Variants in TBC1D21 observed in about 807,000 individuals in gnomAD.
TBC1D21 encodes male germ cell Rab GTPase-activating protein.
In TBC1D21, 38 loss-of-function variants were observed where a neutral mutation model predicts 46.0. That is an observed-to-expected ratio of 0.83 (90% CI 0.64 to 1.08). TBC1D21 has a LOEUF of 1.08. Among genes scored for constraint, TBC1D21 ranks in the 50% least tolerant of loss-of-function variants. The pLI is 0.00. For synonymous variants in TBC1D21, 151 were observed against 157.2 expected (o/e 0.96, Z 0.29); for missense variants, 415 against 417.9 (o/e 0.99, Z 0.06).
At chr15:73,896,487 C>T in the TBC1D21 span, among the ~76,000 whole-genome samples, 11 of 151,078 alleles carry the variant, frequency 7.3e-5, no homozygotes, top group South Asian at 2.1e-4. Context: ...ATGAGGGTAA[C>T]GGAGCAGTGG....
chr15:73,903,017 T>C, the TBC1D21 span, among the ~76,000 whole-genome samples: 9 of 152,188 alleles, frequency 5.9e-5, no homozygotes, highest in African/African-American at 2.2e-4. Context: ...AGCTCACCTG[T>C]TCACCAGTCC....
chr15:73,902,538 C>T, the TBC1D21 span, among the ~76,000 whole-genome samples: 1 of 152,248 alleles, frequency 6.6e-6, no homozygotes. Flanking sequence ...TTCCCCAGAG[C>T]AGACAGAACA....
Position 73,884,217 on chromosome 15 carries a change from G to A in TBC1D21, c.339G>A (p.Arg113=). The A allele has an allele frequency of 1.2e-6, 2 of 1,614,236 alleles. No individual in the cohort carries two copies. Among genetic ancestry groups the A allele is most frequent in the Non-Finnish European group, 1.7e-6 (2 of 1,180,040 alleles). The part of the protein sequence containing the change: ...KIQPLLENLH[R]NFTETRNNIA... ...AGCCCCTTCTGGAAAACCTGCACCGGAACTTCACAGAGACTCGCAATAACA... is the reference window on the plus strand; with the variant it reads ...AGCCCCTTCTGGAAAACCTGCACCGAAACTTCACAGAGACTCGCAATAACA... Residue 113 remains arginine (R), a synonymous_variant, in exon 4 of 11, where the codon CGG becomes CGA. Transcript: ENST00000300504.
intron 6 of TBC1D21, 53 bp downstream of exon 6, chr15:73,885,156 C>T: frequency 6.6e-7 from 1 of 1,506,942 alleles, no homozygotes; most frequent in Non-Finnish European, 9.2e-7. Context: ...CCCACTACTC[C>T]CCAAACAACT....
At chr15:73,904,876 G>A in the TBC1D21 span, among the ~76,000 whole-genome samples, 1 of 152,228 alleles carries the variant, frequency 6.6e-6, no homozygotes, top group East Asian at 1.9e-4. Flanking sequence ...ATGGAGGGAG[G>A]AAGACAGAGT....
chr15:73,876,222 T>TTG (rs1567062352), intron 1 of TBC1D21, among the ~76,000 whole-genome samples: 4 of 50,968 alleles, frequency 7.8e-5, no homozygotes, highest in African/African-American at 2.6e-4. Context: ...TTTTTTTTTT[T>TTG]TTTTTTTTTT....
Position 73,873,642 on chromosome 15 carries a change from A to G in TBC1D21, c.-68A>G. 6.5e-7 allele frequency: 1 copy of G among 1,536,406 alleles called. No homozygotes were observed. Among genetic ancestry groups the G allele is most frequent in the Non-Finnish European group, 8.8e-7 (1 of 1,130,434 alleles). On this transcript the variant is annotated 5_prime_UTR_variant, in exon 1 of 11. Coordinates refer to ENST00000300504, the MANE Select transcript of TBC1D21 (RefSeq NM_153356.3). ...CCTGGGAATGCAACCCATCTCCGAA[A>G]AGGATTAAGCATCACTAGGGCTCCA...
chr15:73,887,181 C>G (rs1184190074), intron 8 of TBC1D21, among the ~76,000 whole-genome samples: 1 of 152,214 alleles, frequency 6.6e-6, no homozygotes, highest in Non-Finnish European at 1.5e-5. Flanking sequence ...CCCCACAGAT[C>G]TATTCCCACC....
In TBC1D21 at chr15:73,889,000, G is replaced by A. The variant is rs1745379260; in HGVS notation, c.979-69G>A. The A allele has an allele frequency of 6.9e-6, 11 of 1,587,326 alleles. No individual in the cohort carries two copies. In the African/African-American group the frequency reaches 9.4e-5, roughly 14 times the overall value. ...CCCAGAGGCTCAGGAGAATGTCGCTGCTTAGAAGAACCGAAGAATGAAAGG... is the reference window on the plus strand; with the variant it reads ...CCCAGAGGCTCAGGAGAATGTCGCTACTTAGAAGAACCGAAGAATGAAAGG... On this transcript the variant is annotated intron_variant, in intron 10 of 10. Transcript: ENST00000300504.
rs2068150034 is a variant in TBC1D21 at position 73,881,341 on chromosome 15, C to T, written c.61-58C>T. ...AAGTCCAGAACATATTATTTAAAAT[C>T]ACACTTAAAAGCCGAAGCCTTCTAA... On this transcript the variant is annotated intron_variant, in intron 1 of 10. Coordinates refer to ENST00000300504, the MANE Select transcript of TBC1D21 (RefSeq NM_153356.3). The T allele has an allele frequency of 2.5e-5, 32 of 1,303,164 alleles. No homozygotes were observed. The South Asian group carries it at 3.7e-4, about 15-fold the overall frequency. 80.7% of individuals were successfully genotyped at this position (1,303,164 alleles called of 1,614,324 possible). A position where few individuals can be genotyped will look rare whatever the true frequency, so the allele number is the denominator to read the frequency against.
chr15:73,905,601 T>C, the TBC1D21 span, among the ~76,000 whole-genome samples: 1 of 152,224 alleles, frequency 6.6e-6, no homozygotes, highest in Non-Finnish European at 1.5e-5. Context: ...TAGCTTGAAA[T>C]TGGCTGTGGT....
At chr15:73,876,232 T>TTG (rs2068064688) in intron 1 of TBC1D21, among the ~76,000 whole-genome samples, 1 of 103,998 alleles carries the variant, frequency 9.6e-6, no homozygotes, top group Non-Finnish European at 1.8e-5. Context: ...TTTTTTTTTT[T>TTG]TTTTTTTTTT....
intron 1 of TBC1D21, among the ~76,000 whole-genome samples, chr15:73,876,457 A>G: frequency 7.0e-6 from 1 of 142,676 alleles, no homozygotes; most frequent in African/African-American, 2.6e-5. Flanking sequence ...GTTGGTCAGG[A>G]TGGTCTCGAT....
chr15:73,887,290 C>T (rs1229549335), intron 8 of TBC1D21, among the ~76,000 whole-genome samples: 2 of 152,210 alleles, frequency 1.3e-5, no homozygotes, highest in African/African-American at 4.8e-5. Flanking sequence ...CCCTTGCTTG[C>T]CAAAACCCCA....
At chr15:73,873,868 G>A (rs2068011916) in intron 1 of TBC1D21, 99 bp downstream of exon 1, 3 of 1,398,924 alleles carry the variant, frequency 2.1e-6, no homozygotes, top group South Asian at 2.5e-5. Flanking sequence ...AGAACCCTGA[G>A]CTAACATAGA....
chr15:73,900,249 C>G, the TBC1D21 span, among the ~76,000 whole-genome samples: 4 of 152,148 alleles, frequency 2.6e-5, no homozygotes, highest in African/African-American at 9.7e-5. Context: ...CAAGACAGGC[C>G]CCTCTGCGCA....
chr15:73,896,527 G>T, the TBC1D21 span, among the ~76,000 whole-genome samples: 1 of 151,912 alleles, frequency 6.6e-6, no homozygotes, highest in African/African-American at 2.4e-5. Flanking sequence ...GGTGGGGGGA[G>T]TTGGTGACAA....
At chr15:73,893,266 C>CTAAT (rs1439087275), downstream of TBC1D21, among the ~76,000 whole-genome samples, 1 of 152,146 alleles carries the variant, frequency 6.6e-6, no homozygotes, top group African/African-American at 2.4e-5. Flanking sequence ...AAAACAGTGA[C>CTAAT]TAATTCATTC....
intron 9 of TBC1D21, among the ~76,000 whole-genome samples, 181 bp from the exon 10 acceptor site, chr15:73,888,249 C>A (rs2068285796): frequency 6.6e-6 from 1 of 152,218 alleles, no homozygotes; most frequent in South Asian, 2.1e-4. Flanking sequence ...TTACCATTGC[C>A]CCAAAATATC....
Sources: gnomAD v4.1 joint callset for allele counts (sites outside exome capture counted in the v4.1 genomes callset) on GRCh38, gnomAD v4.1.1 for gene constraint, MANE v1.5 for transcripts, NCBI Gene and HGNC (gene_info 2026-07-23, HGNC 2026-07-21) for gene names.